SPATA33: variants seen among roughly 807,000 people sequenced by gnomAD.
SPATA33 encodes spermatogenesis associated 33.
A neutral mutation model predicts 8.9 loss-of-function variants in SPATA33; 10 were observed. The ratio of observed to expected loss-of-function variants is 1.12; its 90% CI spans 0.69 to 1.90. SPATA33 has a LOEUF of 1.90. SPATA33 is among the 40% of genes most tolerant of loss of function. SPATA33 has a pLI of 0.00. For synonymous variants in SPATA33, 96 were observed against 72.8 expected (o/e 1.32, Z -1.63); for missense variants, 241 against 178.3 (o/e 1.35, Z -2.00).
At chr16:89,658,177 C>A (rs1002005247) in intron 1 of SPATA33, 71 bp from the exon 2 acceptor site, 2 of 1,594,928 alleles carry the variant, frequency 1.3e-6, no homozygotes, top group Admixed American at 3.4e-5. Flanking sequence ...ACGCAGGCGA[C>A]TGAAGACGAT....
chr16:89,667,996 T>G (rs1278529322), intron 2 of SPATA33: 1 of 152,200 alleles, frequency 6.6e-6, no homozygotes, highest in East Asian at 1.9e-4. Flanking sequence ...GTTCTAGGGC[T>G]CAGAACAGGC....
At chr16:89,669,153 C>G in intron 2 of SPATA33, 133 bp from the exon 3 acceptor site, 1 of 786,882 alleles carries the variant, frequency 1.3e-6, no homozygotes, top group Non-Finnish European at 2.1e-6. Context: ...GTTTTGATCA[C>G]TTTTGGACTC....
At chr16:89,658,490 C>T in intron 2 of SPATA33, 69 bp downstream of exon 2, 1 of 1,533,658 alleles carries the variant, frequency 6.5e-7, no homozygotes, top group Non-Finnish European at 8.8e-7. Flanking sequence ...GGTGAGGAGC[C>T]TACTGTAAGA....
At chr16:89,663,456 G>C (rs889075837) in intron 2 of SPATA33, among the ~76,000 whole-genome samples, 9 of 152,032 alleles carry the variant, frequency 5.9e-5, no homozygotes, top group African/African-American at 2.2e-4. Context: ...CAGGTGATCC[G>C]CTTGCCTCAA....
At chr16:89,664,821 A>G (rs1257071441) in intron 2 of SPATA33, among the ~76,000 whole-genome samples, 1 of 152,214 alleles carries the variant, frequency 6.6e-6, no homozygotes, top group Non-Finnish European at 1.5e-5. Context: ...ATGAGAATGC[A>G]GTGCAGCCGG....
intron 1 of SPATA33, 77 bp from the exon 2 acceptor site, chr16:89,658,171 A>G: frequency 1.3e-6 from 2 of 1,589,714 alleles, no homozygotes; most frequent in South Asian, 2.3e-5. Context: ...GGACCCACGC[A>G]GGCGACTGAA....
chr16:89,665,150 A>G (rs899678428), intron 2 of SPATA33, among the ~76,000 whole-genome samples: 4 of 151,582 alleles, frequency 2.6e-5, no homozygotes, highest in African/African-American at 7.3e-5. Context: ...GCACGCCACC[A>G]CCCCCAGCTA....
At chr16:89,660,977 C>T in intron 2 of SPATA33, 1 of 1,000,738 alleles carries the variant, frequency 1.0e-6, no homozygotes, top group Non-Finnish European at 1.2e-6. Flanking sequence ...CCAAGAGCTT[C>T]CCTGTACGTC....
At chr16:89,658,575 G>A (rs1013386217) in intron 2 of SPATA33, 154 bp downstream of exon 2, 3 of 943,596 alleles carry the variant, frequency 3.2e-6, no homozygotes, top group Admixed American at 2.9e-5. Context: ...CTTTATGTAG[G>A]AGGTAAATAT....
At chr16:89,658,114 G>A in intron 1 of SPATA33, 134 bp from the exon 2 acceptor site, 1 of 1,507,728 alleles carries the variant, frequency 6.6e-7, no homozygotes. Context: ...CCCGCCTGAG[G>A]CGGTTACGGA....
At chr16:89,663,778 G>A (rs912584580) in intron 2 of SPATA33, among the ~76,000 whole-genome samples, 3 of 152,074 alleles carry the variant, frequency 2.0e-5, no homozygotes, top group Admixed American at 6.6e-5. Flanking sequence ...TCATAGTACC[G>A]GAGTCCATTT....
rs1226418779 is a variant in SPATA33 at position 89,660,486 on chromosome 16, G to A, written c.211+2065G>A. The stretch of plus-strand genomic sequence containing the variant: ...ACATGAAGGGAAAACAGCAGAGCAA[G>A]AGTGAGAACAGAGTTTCAGCAGATA... On this transcript the variant is annotated intron_variant, in intron 2 of 2. Transcript: ENST00000579310. The A allele has an allele frequency of 3.2e-6, 4 of 1,231,842 alleles. No homozygotes were observed. In the Admixed American group the frequency reaches 1.3e-4, roughly 39 times the overall value. 76.3% of individuals were successfully genotyped at this position (1,231,842 alleles called of 1,614,324 possible).
intron 2 of SPATA33, among the ~76,000 whole-genome samples, chr16:89,668,593 G>T (rs560813165): frequency 2.6e-5 from 4 of 151,064 alleles, no homozygotes; most frequent in Non-Finnish European, 3.0e-5. Flanking sequence ...GGCTGTGCCC[G>T]AGCTCGTAGC....
upstream of SPATA33, chr16:89,657,828 G>C (rs756742875): frequency 6.6e-7 from 1 of 1,511,914 alleles, no homozygotes; most frequent in South Asian, 1.2e-5. Context: ...CTGGCGCGAG[G>C]ACCTTTTGTG....
At chr16:89,659,505 C>G (rs972859900) in intron 2 of SPATA33, 25 of 152,274 alleles carry the variant, frequency 1.6e-4, no homozygotes, top group African/African-American at 5.8e-4. Flanking sequence ...GAAACCCTGT[C>G]TCTACTAAAA....
In SPATA33 at chr16:89,657,904, G is replaced by GACC. The variant is rs1191928793; in HGVS notation, c.-8_-7insACC. The stretch of plus-strand genomic sequence containing the variant: ...GGGCTTGCGTCGGAGGGGGCGGTGG[G>GACC]CTCACCCATGGGCCTTTCCAAAAGC... On this transcript the variant is annotated 5_prime_UTR_variant, in exon 1 of 3. Coordinates refer to ENST00000579310, the MANE Select transcript of SPATA33 (RefSeq NM_001271907.2). The GACC allele has an allele frequency of 5.9e-6, 9 of 1,517,466 alleles. No individual in the cohort carries two copies. Among genetic ancestry groups the GACC allele is most frequent in the East Asian group, 5.2e-5 (2 of 38,354 alleles). The allele number at this position is 1,517,466 out of a possible 1,614,324, so 94.0% of individuals were successfully genotyped here. A position where few individuals can be genotyped will look rare whatever the true frequency, so the allele number is the denominator to read the frequency against.
chr16:89,658,494 T>C, intron 2 of SPATA33, 73 bp downstream of exon 2: 1 of 1,517,732 alleles, frequency 6.6e-7, no homozygotes, highest in East Asian at 2.5e-5. Context: ...AGGAGCCTAC[T>C]GTAAGACCCT....
At chr16:89,665,860 A>C (rs1404964038) in intron 2 of SPATA33, among the ~76,000 whole-genome samples, 1 of 152,174 alleles carries the variant, frequency 6.6e-6, no homozygotes, top group Non-Finnish European at 1.5e-5. Context: ...CAGGTGGATC[A>C]CTTGAGGTCA....
intron 2 of SPATA33, among the ~76,000 whole-genome samples, chr16:89,667,118 A>G (rs2060036578): frequency 6.6e-6 from 1 of 152,178 alleles, no homozygotes; most frequent in South Asian, 2.1e-4. Flanking sequence ...TGGTCTGCTA[A>G]GTAGTGGGTG....
Sources: allele counts gnomAD v4.1 joint callset (sites outside exome capture counted in the v4.1 genomes callset), GRCh38; gene constraint gnomAD v4.1.1; transcripts MANE v1.5; gene names NCBI Gene and HGNC (gene_info 2026-07-23, HGNC 2026-07-21).